Variants in MORC1 observed in about 807,000 individuals in gnomAD.
MORC1 encodes MORC family CW-type zinc finger protein 1.
Under a neutral mutation model 134.9 loss-of-function variants are expected in MORC1, and 59 were observed. The ratio of observed to expected loss-of-function variants is 0.44; its 90% CI spans 0.35 to 0.54. MORC1 has a LOEUF of 0.54. Ranked by LOEUF, MORC1 falls within the 20% of genes least tolerant of loss-of-function variation. The pLI, the probability that MORC1 is intolerant of heterozygous loss-of-function variation, is 0.00. For missense variants in MORC1, 947 were observed against 1,134.5 expected (o/e 0.83, Z 2.37); for synonymous variants, 395 against 391.7 (o/e 1.01, Z -0.10).
intron 8 of MORC1, among the ~76,000 whole-genome samples, chr3:109,089,826 CAAACTCTT>C (rs766790650): frequency 1.3e-5 from 2 of 152,112 alleles, no homozygotes; most frequent in African/African-American, 2.4e-5. Context: ...CCCTTTGTTT[CAAACTCTT>C]GATTTTCTTT....
At chr3:109,068,588 C>G (rs1402333758) in intron 9 of MORC1, among the ~76,000 whole-genome samples, 1 of 151,848 alleles carries the variant, frequency 6.6e-6, no homozygotes, top group Non-Finnish European at 1.5e-5. Flanking sequence ...ATATATATAC[C>G]ACAGTGTCTT....
At position 109,035,465 on chromosome 3, in the gene MORC1, T is replaced by A; in HGVS notation, c.1334A>T (p.Asn445Ile). The A allele has an allele frequency of 7.4e-7, 1 of 1,348,024 alleles. No homozygotes were observed. The highest frequency in any genetic ancestry group is 9.7e-7 in the Non-Finnish European group (1 of 1,028,544). The allele number at this position is 1,348,024 out of a possible 1,614,324, so 83.5% of individuals were successfully genotyped here. A position where few individuals can be genotyped will look rare whatever the true frequency, so the allele number is the denominator to read the frequency against. ...VQYCKDTGIN[N>I]RNLTLFCNEF... ...ATTGCAAAACAATGTTAAATTTCTA[T>A]TATCTTTTAAAAAAAAAAGCAGGCA... The change falls in exon 15 of 28, where the codon AAT (asparagine) becomes ATT (isoleucine). Residue 445 changes from asparagine to isoleucine, a missense_variant. By Grantham distance (149) the Asn-to-Ile change is moderately radical. Coordinates refer to ENST00000232603, the MANE Select transcript of MORC1 (RefSeq NM_014429.4).
chr3:109,117,862 T>C, intron 1 of MORC1, 133 bp downstream of exon 1: 1 of 795,528 alleles, frequency 1.3e-6, no homozygotes, highest in South Asian at 1.6e-5. Context: ...AAAAAAAGCC[T>C]ATACAGCTCA....
intron 17 of MORC1, among the ~76,000 whole-genome samples, chr3:109,012,619 G>A (rs770093005): frequency 2.6e-5 from 4 of 152,000 alleles, no homozygotes; most frequent in African/African-American, 9.7e-5. Context: ...CAGTGTACAG[G>A]TCTTACATGT....
rs375918696 is a variant in MORC1 at position 108,965,043 on chromosome 3, G to A, written c.2605-1435C>T. On this transcript the variant is annotated intron_variant, in intron 26 of 27. Coordinates refer to ENST00000232603, the MANE Select transcript of MORC1 (RefSeq NM_014429.4). ...TAGAGGCTGCAGGCAAACCCAGGGA[G>A]AGATATCTACTGCCTGAAGGTGGAG... Among the ~76,000 whole-genome samples, 12 of 152,300 alleles carry A rather than the reference G, an allele frequency of 7.9e-5. No homozygotes were observed. The East Asian group carries it at 1.7e-3, about 22-fold the overall frequency.
intron 20 of MORC1, among the ~76,000 whole-genome samples, chr3:109,001,328 C>T (rs1948400370): frequency 6.6e-6 from 1 of 152,090 alleles, no homozygotes; most frequent in Admixed American, 6.5e-5. Flanking sequence ...AGCTGATATA[C>T]AATCTGTCAC....
At chr3:109,111,202 G>T (rs986554047) in intron 2 of MORC1, among the ~76,000 whole-genome samples, 1 of 151,962 alleles carries the variant, frequency 6.6e-6, no homozygotes, top group African/African-American at 2.4e-5. Context: ...ATACATGGAA[G>T]GAAAGAAATC....
rs563981387 is a variant in MORC1, at chr3:109,073,689, G to A, written c.690-3932C>T. On this transcript the variant is annotated intron_variant, in intron 8 of 27. Transcript: ENST00000232603. ...TCTCAGAAGTGCCATATTTTTATTC[G>A]TGAAAATATTACATAACCAAAATTG... 1.1e-4 allele frequency among the ~76,000 whole-genome samples: 17 copies of A among 152,176 alleles called. No individual in the cohort carries two copies. The South Asian group carries it at 3.3e-3, about 30-fold the overall frequency.
intron 16 of MORC1, among the ~76,000 whole-genome samples, 198 bp downstream of exon 16, chr3:109,032,522 C>T (rs1949263757): frequency 6.6e-6 from 1 of 152,064 alleles, no homozygotes; most frequent in Non-Finnish European, 1.5e-5. Flanking sequence ...GATAGTTACA[C>T]CCAGATTTCT....
At chr3:108,980,022 T>C (rs1012832170) in intron 23 of MORC1, among the ~76,000 whole-genome samples, 3 of 152,180 alleles carry the variant, frequency 2.0e-5, no homozygotes, top group Admixed American at 1.3e-4. Flanking sequence ...ATGGTAACCA[T>C]ATGGCAAAAA....
intron 20 of MORC1, among the ~76,000 whole-genome samples, chr3:109,001,532 C>T (rs184169392): frequency 3.3e-5 from 5 of 152,320 alleles, no homozygotes; most frequent in East Asian, 3.9e-4. Context: ...GTTGAGTTGG[C>T]TTCTCAACAG....
chr3:109,035,488 G>GAAAA lies in MORC1; in HGVS notation c.1331-21_1331-20insTTTT. On this transcript the variant is annotated intron_variant, in intron 14 of 27. Coordinates refer to ENST00000232603, the MANE Select transcript of MORC1 (RefSeq NM_014429.4). ...TATTATCTTTTAAAAAAAAAAGCAG[G>GAAAA]CAAAGAATAACAAAAAAAAATCATT... 7.4e-7 allele frequency: 1 copy of GAAAA among 1,359,218 alleles called. No individual in the cohort carries two copies. Among genetic ancestry groups the GAAAA allele is most frequent in the Non-Finnish European group, 9.9e-7 (1 of 1,014,254 alleles). The allele number at this position is 1,359,218 out of a possible 1,614,324, so 84.2% of individuals were successfully genotyped here.
intron 4 of MORC1, among the ~76,000 whole-genome samples, chr3:109,102,461 A>G (rs1178253727): frequency 6.6e-6 from 1 of 152,196 alleles, no homozygotes; most frequent in Non-Finnish European, 1.5e-5. Flanking sequence ...GGAATGGACT[A>G]TAAAGGGGCA....
At chr3:108,969,580 C>A (rs1947317369) in intron 26 of MORC1, 89 bp downstream of exon 26, 3 of 1,340,790 alleles carry the variant, frequency 2.2e-6, no homozygotes, top group Admixed American at 1.7e-5. Context: ...GATTTCCTTT[C>A]AAACCTAACA....
rs1951228920 is a variant in MORC1, at chr3:109,114,416, A to G, written c.87T>C (p.Phe29=). The part of the protein sequence containing the change: ...HANSTTHSFL[F]GALAELLDNA... The stretch of plus-strand genomic sequence containing the variant: ...TGTCCAGCAATTCAGCCAGTGCTCC[A>G]AAAAGGAAACTGTGAGTGGTGCTGA... Residue 29 remains phenylalanine, a synonymous_variant, in exon 2 of 28, where the codon TTT becomes TTC. Transcript: ENST00000232603. 1 of 1,613,190 alleles carries G rather than the reference A, an allele frequency of 6.2e-7. No homozygotes were observed.
intron 3 of MORC1, among the ~76,000 whole-genome samples, chr3:109,108,571 G>T (rs1337592435): frequency 2.0e-5 from 3 of 152,020 alleles, no homozygotes; most frequent in African/African-American, 4.8e-5. Flanking sequence ...TCTCTTGTAA[G>T]GTATTTCTGG....
chr3:109,073,758 T>G (rs926215963), intron 8 of MORC1, among the ~76,000 whole-genome samples: 1 of 152,212 alleles, frequency 6.6e-6, no homozygotes, highest in Non-Finnish European at 1.5e-5. Context: ...TGAAGACTTT[T>G]TGAAGTTGAA....
chr3:109,093,937 A>G (rs1170176444), intron 7 of MORC1, among the ~76,000 whole-genome samples: 1 of 152,218 alleles, frequency 6.6e-6, no homozygotes, highest in African/African-American at 2.4e-5. Flanking sequence ...GGGTTTTTAA[A>G]CATTGTACAA....
At chr3:109,053,922 T>C (rs1158952138) in intron 14 of MORC1, among the ~76,000 whole-genome samples, 1 of 152,228 alleles carries the variant, frequency 6.6e-6, no homozygotes, top group Non-Finnish European at 1.5e-5. Context: ...GTATTTATTT[T>C]AGAAATTTTT....
Sources: allele counts gnomAD v4.1 joint callset (sites outside exome capture counted in the v4.1 genomes callset), GRCh38; gene constraint gnomAD v4.1.1; transcripts MANE v1.5; gene names NCBI Gene and HGNC (gene_info 2026-07-23, HGNC 2026-07-21).